The following QRSL1 variants were observed in gnomAD, a reference collection of about 807,000 sequenced individuals.
The protein encoded by QRSL1 is glutamyl-tRNA(Gln) amidotransferase subunit A, mitochondrial.
QRSL1 carries 54 observed loss-of-function variants against 61.6 expected under a neutral mutation model. The ratio of observed to expected loss-of-function variants is 0.88; its 90% CI spans 0.70 to 1.10. QRSL1 has a LOEUF of 1.10. Ranked by LOEUF, QRSL1 falls within the 50% of genes least tolerant of loss-of-function variation. The pLI is 0.00. For synonymous variants in QRSL1, 228 were observed against 225.7 expected, an observed-to-expected ratio of 1.01 and a Z score of -0.09; for missense variants, 505 against 622.6, an observed-to-expected ratio of 0.81 and a Z score of 2.01.
chr6:106,660,336 C>A (rs541542284), intron 9 of QRSL1, among the ~76,000 whole-genome samples: 9 of 151,730 alleles, frequency 5.9e-5, no homozygotes, highest in East Asian at 3.9e-4. Flanking sequence ...CCCCACCCCC[C>A]CCGTGAAGCT....
intron 1 of QRSL1, 120 bp downstream of exon 1, chr6:106,629,825 T>A (rs1030013523): frequency 1.4e-5 from 17 of 1,217,050 alleles, no homozygotes; most frequent in Middle Eastern, 1.9e-4. Context: ...CCTCTAGAAC[T>A]GAGTGGGGGA....
chr6:106,651,314 A>G (rs927286593), intron 5 of QRSL1, among the ~76,000 whole-genome samples: 2 of 152,172 alleles, frequency 1.3e-5, no homozygotes, highest in East Asian at 1.9e-4. Context: ...GCATGTATAA[A>G]TAAGTGTGCA....
chr6:106,650,248 A>T (rs1290033278), intron 5 of QRSL1, among the ~76,000 whole-genome samples: 1 of 152,210 alleles, frequency 6.6e-6, no homozygotes, highest in Non-Finnish European at 1.5e-5. Context: ...TCCTATGGAA[A>T]TGTAAGTTTT....
intron 1 of QRSL1, among the ~76,000 whole-genome samples, chr6:106,633,288 A>G (rs889516451): frequency 1.1e-4 from 17 of 152,220 alleles, no homozygotes; most frequent in African/African-American, 3.6e-4. Context: ...CCTAAATTCT[A>G]CCAATTAGAG....
At position 106,667,438 on chromosome 6, in the gene QRSL1, C is replaced by T. The variant is rs1777455278; in HGVS notation, c.*1436C>T. On this transcript the variant is annotated 3_prime_UTR_variant, in exon 11 of 11. Coordinates refer to ENST00000369046, the MANE Select transcript of QRSL1 (RefSeq NM_018292.5). The stretch of plus-strand genomic sequence containing the variant: ...GATTTCTGTGTCTTCACTAGAACAC[C>T]ATTGTCATCTCATATTGATCAGGTA... 1 of 152,130 alleles carries T rather than the reference C, an allele frequency of 6.6e-6. No homozygotes were observed. Among genetic ancestry groups the T allele is most frequent in the African/African-American group, 2.4e-5 (1 of 41,438 alleles). 9.4% of individuals were successfully genotyped at this position (152,130 alleles called of 1,614,324 possible).
intron 5 of QRSL1, among the ~76,000 whole-genome samples, chr6:106,650,242 A>G (rs1000974296): frequency 2.6e-5 from 4 of 152,224 alleles, no homozygotes; most frequent in Non-Finnish European, 1.5e-5. Context: ...CATAATTCCT[A>G]TGGAAATGTA....
At chr6:106,654,242 C>T (rs146228916) in intron 7 of QRSL1, among the ~76,000 whole-genome samples, 2,907 of 151,766 alleles carry the variant, frequency 0.019, 80 homozygotes, top group African/African-American at 0.068. Flanking sequence ...CCCAGCTACT[C>T]GGAAGGCTAA....
At chr6:106,663,840 C>G (rs982859525) in intron 10 of QRSL1, among the ~76,000 whole-genome samples, 3 of 152,128 alleles carry the variant, frequency 2.0e-5, no homozygotes, top group Non-Finnish European at 4.4e-5. Context: ...TTTAAACCCA[C>G]AGAAAAGCTG....
intron 4 of QRSL1, among the ~76,000 whole-genome samples, chr6:106,648,251 G>A (rs6900582): frequency 1.3e-5 from 2 of 151,680 alleles, no homozygotes; most frequent in Non-Finnish European, 2.9e-5. Context: ...AGCCGAGATC[G>A]CGCCACTGCA....
At chr6:106,648,763 T>C (rs892564820) in intron 4 of QRSL1, among the ~76,000 whole-genome samples, 3 of 152,206 alleles carry the variant, frequency 2.0e-5, no homozygotes, top group East Asian at 1.9e-4. Context: ...TTCAGTTGAA[T>C]TGGATGATCA....
intron 5 of QRSL1, among the ~76,000 whole-genome samples, chr6:106,651,058 A>G (rs1777181787): frequency 6.6e-6 from 1 of 152,188 alleles, no homozygotes; most frequent in African/African-American, 2.4e-5. Context: ...TTGCAACGCT[A>G]AAACTGTGTA....
intron 4 of QRSL1, 86 bp downstream of exon 4, chr6:106,643,176 T>C (rs1247536988): frequency 2.3e-6 from 2 of 873,236 alleles, no homozygotes; most frequent in Non-Finnish European, 3.6e-6. Flanking sequence ...GGATTGAGGA[T>C]CTAATGCCAG....
chr6:106,641,781 A>C (rs1777023719), intron 3 of QRSL1, among the ~76,000 whole-genome samples: 1 of 152,222 alleles, frequency 6.6e-6, no homozygotes, highest in African/African-American at 2.4e-5. Flanking sequence ...GAGAAGAAAA[A>C]ATCAAGTACA....
chr6:106,629,783 C>G (rs563550716), intron 1 of QRSL1, 78 bp downstream of exon 1: 14 of 1,537,726 alleles, frequency 9.1e-6, no homozygotes, highest in African/African-American at 4.1e-5. Flanking sequence ...GTCCCTGGGC[C>G]TTACCACGCA....
intron 1 of QRSL1, among the ~76,000 whole-genome samples, chr6:106,631,780 C>A (rs1333286671): frequency 6.6e-6 from 1 of 152,222 alleles, no homozygotes; most frequent in Non-Finnish European, 1.5e-5. Flanking sequence ...GTATCCATCA[C>A]CTCAAGCATT....
At chr6:106,665,052 G>A (rs151016534) in intron 10 of QRSL1, among the ~76,000 whole-genome samples, 140 of 152,150 alleles carry the variant, frequency 9.2e-4, no homozygotes, top group African/African-American at 3.3e-3. Flanking sequence ...AGCAATTACT[G>A]TCAGTATTGT....
intron 9 of QRSL1, among the ~76,000 whole-genome samples, chr6:106,657,543 A>T (rs912827118): frequency 6.6e-6 from 1 of 152,132 alleles, no homozygotes; most frequent in Non-Finnish European, 1.5e-5. Flanking sequence ...CCTCATGATC[A>T]CCATTTGGGG....
In QRSL1 at chr6:106,666,051, CACCTGTA is replaced by C. The variant is rs1562174278; in HGVS notation, c.*51_*57del. 6.8e-7 allele frequency: 1 copy of C among 1,479,778 alleles called. No individual in the cohort carries two copies. The highest frequency in any genetic ancestry group is 1.2e-5 in the South Asian group (1 of 86,910). 91.7% of individuals were successfully genotyped at this position (1,479,778 alleles called of 1,614,324 possible). On this transcript the variant is annotated 3_prime_UTR_variant, in exon 11 of 11. Coordinates refer to ENST00000369046, the MANE Select transcript of QRSL1 (RefSeq NM_018292.5). ...CTTTTAGGCTGGGTGCAGTGGCTCA[CACCTGTA>C]ATCCCAGCACTTTGGGAGGCCAAGG...
intron 9 of QRSL1, among the ~76,000 whole-genome samples, chr6:106,661,530 A>AT (rs1777355059): frequency 2.0e-5 from 3 of 152,180 alleles, no homozygotes; most frequent in Non-Finnish European, 4.4e-5. Flanking sequence ...CCTGGTGGTC[A>AT]AATAAGAGTA....
Sources: allele counts gnomAD v4.1 joint callset (sites outside exome capture counted in the v4.1 genomes callset), GRCh38; gene constraint gnomAD v4.1.1; transcripts MANE v1.5; gene names NCBI Gene and HGNC (gene_info 2026-07-23, HGNC 2026-07-21).